SYNE1: variants seen among roughly 807,000 people sequenced by gnomAD.
The protein encoded by SYNE1 is nesprin-1.
Under a neutral mutation model 1,111.0 loss-of-function variants are expected in SYNE1, and 616 were observed. That is an observed-to-expected ratio of 0.55 (90% CI 0.52 to 0.59). The LOEUF (loss-of-function observed/expected upper bound fraction) is 0.59, where lower values mean the gene tolerates loss of function less well. Ranked by LOEUF, SYNE1 falls within the 20% of genes least tolerant of loss-of-function variation. SYNE1 has a pLI of 0.00. For synonymous variants in SYNE1, 3,855 were observed against 3,825.8 expected, an observed-to-expected ratio of 1.01 and a Z score of -0.28; for missense variants, 10,006 against 10,417.0, an observed-to-expected ratio of 0.96 and a Z score of 1.72.
intron 83 of SYNE1, 108 bp downstream of exon 83, chr6:152,321,613 A>G: frequency 6.9e-7 from 1 of 1,446,800 alleles, no homozygotes; most frequent in Non-Finnish European, 9.5e-7. Context: ...CACACTTCTG[A>G]AATTTTTTAA....
intron 91 of SYNE1, among the ~76,000 whole-genome samples, chr6:152,306,903 CAAAAAAAAA>C (rs973985274): frequency 1.7e-5 from 1 of 60,586 alleles, no homozygotes; most frequent in Non-Finnish European, 3.4e-5. Context: ...GACTGTGTCT[CAAAAAAAAA>C]AAAAAAAAAA....
In SYNE1 at chr6:152,278,118, C is replaced by A. The variant is rs770518048; in HGVS notation, c.18544G>T (p.Ala6182Ser). The A allele has an allele frequency of 6.2e-7, 1 of 1,614,034 alleles. No individual in the cohort carries two copies. Among genetic ancestry groups the A allele is most frequent in the South Asian group, 1.1e-5 (1 of 91,086 alleles). ...LKGSLLELQR[A>S]LHDKQLNMQG... The stretch of plus-strand genomic sequence containing the variant: ...ATGTTGAGCTGCTTATCATGCAGGG[C>A]TCTCTGCAGCTCCAGCAGGCTCCCC... The change falls in exon 98 of 146, where the codon GCC becomes TCC. Residue 6182 changes from alanine to serine, a missense_variant. Transcript: ENST00000367255.
chr6:152,294,561 A>C (rs2094774778), intron 93 of SYNE1, among the ~76,000 whole-genome samples: 1 of 152,140 alleles, frequency 6.6e-6, no homozygotes. Flanking sequence ...AATAAAATTA[A>C]ATCTACAGAT....
chr6:152,222,925 T>C (rs1339557008), intron 117 of SYNE1, among the ~76,000 whole-genome samples: 2 of 152,230 alleles, frequency 1.3e-5, no homozygotes, highest in African/African-American at 4.8e-5. Flanking sequence ...CCTATCTAAA[T>C]AGTCTGCTAC....
intron 131 of SYNE1, among the ~76,000 whole-genome samples, chr6:152,158,258 G>C (rs2061746953): frequency 6.6e-6 from 1 of 152,106 alleles, no homozygotes; most frequent in Admixed American, 6.5e-5. Flanking sequence ...AGCTCTACCA[G>C]TATCATTTTT....
intron 8 of SYNE1, among the ~76,000 whole-genome samples, chr6:152,508,517 C>A (rs1253284974): frequency 2.0e-5 from 3 of 152,182 alleles, no homozygotes; most frequent in Non-Finnish European, 4.4e-5. Flanking sequence ...TTACTTCAAG[C>A]TACTGTTTTA....
chr6:152,461,433 AT>A (rs570775033), intron 21 of SYNE1, among the ~76,000 whole-genome samples, 163 bp downstream of exon 21: 2 of 151,916 alleles, frequency 1.3e-5, no homozygotes, highest in African/African-American at 2.4e-5. Context: ...TCATAGTTTT[AT>A]TTTTTTTAAT....
chr6:152,573,182 A>T (rs9479345), intron 3 of SYNE1, among the ~76,000 whole-genome samples: 39,956 of 151,660 alleles, frequency 0.26, 6,869 homozygotes, highest in African/African-American at 0.48. Context: ...ATTTTTTTTT[A>T]AATTTTATTA....
Position 152,239,617 on chromosome 6 carries a change from C to A in SYNE1, c.19983G>T (p.Gln6661His). The change falls in exon 108 of 146, where the codon CAG becomes CAT. Residue 6661 changes from glutamine to histidine, a missense_variant. Gln to His is a conservative substitution (Grantham distance 24, BLOSUM62 0). Coordinates refer to ENST00000367255, the MANE Select transcript of SYNE1 (RefSeq NM_182961.4). ...CCTGAGCCATCAGCTCTGTATGGAACTGGGTTTCCTTTTGGACTGCAAAGC... is the reference window on the plus strand; with the variant it reads ...CCTGAGCCATCAGCTCTGTATGGAAATGGGTTTCCTTTTGGACTGCAAAGC... The part of the protein sequence containing the change: ...IISFAVQKET[Q>H]FHTELMAQAS... 1 of 1,614,186 alleles carries A rather than the reference C, an allele frequency of 6.2e-7. No individual in the cohort carries two copies. The highest frequency in any genetic ancestry group is 8.5e-7 in the Non-Finnish European group (1 of 1,180,034).
intron 52 of SYNE1, 134 bp from the exon 53 acceptor site, chr6:152,390,586 C>A: frequency 1.2e-6 from 1 of 867,158 alleles, no homozygotes; most frequent in Non-Finnish European, 1.8e-6. Context: ...AAACTCTGGG[C>A]CCTATTGCAA....
At chr6:152,213,159 G>A (rs550814584) in intron 123 of SYNE1, among the ~76,000 whole-genome samples, 13 of 152,278 alleles carry the variant, frequency 8.5e-5, no homozygotes, top group Admixed American at 7.8e-4. Flanking sequence ...GGAGACATTT[G>A]ATAGATTGAT....
rs143248110 is a variant in SYNE1 at position 152,321,271 on chromosome 6, A to G, written c.16203T>C (p.Ala5401=). ...ILPSELSLQL[A]EVALDLKIRD... ...GGATCTTTAGATCTAACGCCACTTCAGCCAACTGAAGGGAGAGTTCAGAAG... is the reference window on the plus strand; with the variant it reads ...GGATCTTTAGATCTAACGCCACTTCGGCCAACTGAAGGGAGAGTTCAGAAG... Residue 5401 remains alanine (A), a synonymous_variant, in exon 84 of 146, where the codon GCT becomes GCC. Coordinates refer to ENST00000367255, the MANE Select transcript of SYNE1 (RefSeq NM_182961.4). The G allele has an allele frequency of 4.3e-6, 7 of 1,613,814 alleles. No individual in the cohort carries two copies. Among genetic ancestry groups the G allele is most frequent in the Non-Finnish European group, 5.9e-6 (7 of 1,179,926 alleles).
chr6:152,310,608 G>C lies in SYNE1; in HGVS notation c.16896+80C>G, dbSNP rs763501297. ...AGTCAAGAAACCACATCACAGGTGA[G>C]CACTATTTCCATAGTGGCATTGCCA... On this transcript the variant is annotated intron_variant, in intron 88 of 145. Transcript: ENST00000367255. The C allele has an allele frequency of 1.1e-5, 18 of 1,608,382 alleles. 1 individual carries two copies. The highest frequency in any genetic ancestry group is 1.7e-4 in the Middle Eastern group (1 of 6,054).
chr6:152,481,204 G>C (rs765284217), intron 14 of SYNE1: 49 of 221,972 alleles, frequency 2.2e-4, no homozygotes, highest in Admixed American at 4.2e-4. Flanking sequence ...AAAGTTAAAG[G>C]TATTATACAA....
chr6:152,488,691 T>C (rs1397498509), intron 11 of SYNE1, among the ~76,000 whole-genome samples, 188 bp from the exon 12 acceptor site: 2 of 151,920 alleles, frequency 1.3e-5, no homozygotes, highest in East Asian at 3.9e-4. Context: ...AAAAGTATCT[T>C]AGTTATCTTA....
In SYNE1 at chr6:152,347,229, T is replaced by A; in HGVS notation, c.11908A>T (p.Met3970Leu). The change falls in exon 73 of 146, where the codon ATG (methionine) becomes TTG (leucine). Residue 3970 changes from methionine to leucine, a missense_variant. This residue lies in a region of SYNE1 where 4,955 missense variants were observed against 5,017.2 expected (regional missense o/e 0.99). Coordinates refer to ENST00000367255, the MANE Select transcript of SYNE1 (RefSeq NM_182961.4). ...TQQLAHHKAM[M>L]EEIAGFEDRL... is the part of the protein sequence containing the mutation. ...TCTTCAAAACCAGCAATTTCTTCCA[T>A]CATTGCCTGCAAAAGTGAAACCAAT... The A allele has an allele frequency of 6.2e-7, 1 of 1,614,240 alleles. No individual in the cohort carries two copies. The highest frequency in any genetic ancestry group is 2.2e-5 in the East Asian group (1 of 44,892).
Position 152,603,687 on chromosome 6 carries a change from T to C in SYNE1, c.67+24578A>G, listed in dbSNP as rs2099601560. Among the ~76,000 whole-genome samples, 6 of 151,600 alleles carry C rather than the reference T, an allele frequency of 4.0e-5. No homozygotes were observed. The South Asian group carries it at 1.2e-3, about 32-fold the overall frequency. On this transcript the variant is annotated intron_variant, in intron 3 of 145. Coordinates refer to ENST00000367255, the MANE Select transcript of SYNE1 (RefSeq NM_182961.4). ...ATTCTATATCTAGAATACATATGTATATATGTTCTAGAATATATAGATATG... is the reference window on the plus strand; with the variant it reads ...ATTCTATATCTAGAATACATATGTACATATGTTCTAGAATATATAGATATG...
At chr6:152,503,213 A>G (rs1487980924) in intron 9 of SYNE1, among the ~76,000 whole-genome samples, 1 of 152,272 alleles carries the variant, frequency 6.6e-6, no homozygotes, top group African/African-American at 2.4e-5. Flanking sequence ...TATATGGCCA[A>G]ATATAGACAA....
At chr6:152,476,126 A>C (rs947901236) in intron 14 of SYNE1, among the ~76,000 whole-genome samples, 1 of 152,046 alleles carries the variant, frequency 6.6e-6, no homozygotes, top group Admixed American at 6.5e-5. Flanking sequence ...CAGAGCTTTA[A>C]ACATCCCTCT....
Sources: gnomAD v4.1 joint callset for allele counts (sites outside exome capture counted in the v4.1 genomes callset) on GRCh38, gnomAD v4.1.1 for gene constraint, gnomAD v4.1.1 regional missense constraint, MANE v1.5 for transcripts, NCBI Gene and HGNC (gene_info 2026-07-23, HGNC 2026-07-21) for gene names.